The following CMTM8 variants were observed in gnomAD, a reference collection of about 807,000 sequenced individuals.
CMTM8 encodes the protein CKLF like MARVEL transmembrane domain containing 8, also known as CKLF-like MARVEL transmembrane domain-containing protein 8.
CMTM8 carries 12 observed loss-of-function variants against 18.6 expected under a neutral mutation model. The ratio of observed to expected loss-of-function variants is 0.65; its 90% CI spans 0.41 to 1.05. The LOEUF (loss-of-function observed/expected upper bound fraction) is 1.05. Ranked by LOEUF, CMTM8 falls within the 50% of genes least tolerant of loss-of-function variation. The pLI is 0.00. For synonymous variants in CMTM8, 87 were observed against 90.6 expected, an observed-to-expected ratio of 0.96 and a Z score of 0.23; for missense variants, 217 against 227.2, an observed-to-expected ratio of 0.95 and a Z score of 0.29.
At chr3:32,367,150 C>T (rs185063400) in intron 2 of CMTM8, among the ~76,000 whole-genome samples, 136 of 152,316 alleles carry the variant, frequency 8.9e-4, no homozygotes, top group African/African-American at 3.2e-3. Flanking sequence ...TCTGGTTTCA[C>T]CTCACCCCTG....
chr3:32,276,296 C>CTGG (rs1679369671), intron 1 of CMTM8, among the ~76,000 whole-genome samples: 1 of 152,188 alleles, frequency 6.6e-6, no homozygotes, highest in Non-Finnish European at 1.5e-5. Context: ...AGAGAAAAGA[C>CTGG]TTCTCACCAA....
At chr3:32,331,357 C>G (rs1696270014) in intron 1 of CMTM8, among the ~76,000 whole-genome samples, 2 of 152,050 alleles carry the variant, frequency 1.3e-5, no homozygotes, top group Admixed American at 1.3e-4. Flanking sequence ...ACCTTTGTGC[C>G]TTGCACATGG....
intron 1 of CMTM8, among the ~76,000 whole-genome samples, chr3:32,340,348 G>A (rs1012586757): frequency 2.0e-5 from 3 of 152,226 alleles, no homozygotes; most frequent in African/African-American, 4.8e-5. Flanking sequence ...CCTGGGATGA[G>A]AGTGGAGGTG....
chr3:32,330,707 A>G (rs1696259344), intron 1 of CMTM8, among the ~76,000 whole-genome samples: 1 of 152,308 alleles, frequency 6.6e-6, no homozygotes, highest in African/African-American at 2.4e-5. Flanking sequence ...CTATGGAAAA[A>G]TGGACAAACA....
intron 2 of CMTM8, among the ~76,000 whole-genome samples, chr3:32,362,544 G>A (rs1212163699): frequency 2.6e-5 from 4 of 152,188 alleles, no homozygotes; most frequent in East Asian, 1.9e-4. Context: ...ACCAACCACA[G>A]TTGTGAACCT....
At chr3:32,243,985 G>T in intron 1 of CMTM8, 1 of 160,100 alleles carries the variant, frequency 6.2e-6, no homozygotes, top group East Asian at 1.8e-4. Context: ...TATTATAGCA[G>T]CAGGGATGAG....
chr3:32,333,550 C>A (rs1696321910), intron 1 of CMTM8, among the ~76,000 whole-genome samples: 1 of 150,148 alleles, frequency 6.7e-6, no homozygotes, highest in Non-Finnish European at 1.5e-5. Context: ...ATTTAGCACT[C>A]TTCTAAAGAC....
Position 32,238,839 on chromosome 3 carries a change from C to A in CMTM8, c.-134C>A. The stretch of plus-strand genomic sequence containing the variant: ...GCCTGGACAGCCCCCGGCGGGCGCC[C>A]CCCTCGCACCTCCTGCCCCGCGCGG... On this transcript the variant is annotated 5_prime_UTR_variant, in exon 1 of 4. Coordinates refer to ENST00000307526, the MANE Select transcript of CMTM8 (RefSeq NM_178868.5). 1 of 687,584 alleles carries A rather than the reference C, an allele frequency of 1.5e-6. No individual in the cohort carries two copies. Among genetic ancestry groups the A allele is most frequent in the Non-Finnish European group, 2.0e-6 (1 of 494,378 alleles). 42.6% of individuals were successfully genotyped at this position (687,584 alleles called of 1,614,324 possible).
chr3:32,238,921 C>T lies in CMTM8; in HGVS notation c.-52C>T. 1 of 1,521,414 alleles carries T rather than the reference C, an allele frequency of 6.6e-7. No homozygotes were observed. The highest frequency in any genetic ancestry group is 8.8e-7 in the Non-Finnish European group (1 of 1,132,614). The allele number at this position is 1,521,414 out of a possible 1,614,324, so 94.2% of individuals were successfully genotyped here. A position where few individuals can be genotyped will look rare whatever the true frequency, so the allele number is the denominator to read the frequency against. ...CAGGGCGCAGGGCCGCGCGTCCAGC[C>T]CCAGACCCGCCGGGGTCCCTGGGGA... On this transcript the variant is annotated 5_prime_UTR_variant, in exon 1 of 4. Coordinates refer to ENST00000307526, the MANE Select transcript of CMTM8 (RefSeq NM_178868.5).
chr3:32,246,278 A>G (rs550510981), intron 1 of CMTM8, among the ~76,000 whole-genome samples: 3 of 152,110 alleles, frequency 2.0e-5, no homozygotes, highest in South Asian at 2.1e-4. Flanking sequence ...GGCCGCATCT[A>G]CTGGTGTCAT....
intron 1 of CMTM8, among the ~76,000 whole-genome samples, chr3:32,262,808 C>T (rs1465183741): frequency 6.6e-6 from 1 of 152,160 alleles, no homozygotes; most frequent in African/African-American, 2.4e-5. Context: ...AAATATTGTA[C>T]ATTAATTCCC....
Position 32,238,971 on chromosome 3 carries a change from C to T in CMTM8, c.-2C>T. 6.5e-7 allele frequency: 1 copy of T among 1,547,592 alleles called. No individual in the cohort carries two copies. ...ACGCGCCAGCCCGGCAGTGGCTCGA[C>T]GATGGAGGAGCCGCAGCGCGCCCGC... On this transcript the variant is annotated 5_prime_UTR_variant, in exon 1 of 4. In the 5' UTR this introduces an upstream ATG that the reference lacks. Transcript: ENST00000307526.
chr3:32,306,793 T>C (rs1695724496), intron 1 of CMTM8, among the ~76,000 whole-genome samples: 1 of 152,156 alleles, frequency 6.6e-6, no homozygotes, highest in African/African-American at 2.4e-5. Flanking sequence ...AGACTCATGT[T>C]TTAGAGGGAT....
At chr3:32,301,382 A>ATG (rs1695615693) in intron 1 of CMTM8, among the ~76,000 whole-genome samples, 2 of 152,186 alleles carry the variant, frequency 1.3e-5, no homozygotes, top group Admixed American at 1.3e-4. Flanking sequence ...ATATATATAT[A>ATG]TAAAGCAACA....
intron 2 of CMTM8, 107 bp downstream of exon 2, chr3:32,357,653 C>A (rs1483026666): frequency 1.7e-5 from 20 of 1,152,502 alleles, no homozygotes; most frequent in Non-Finnish European, 2.1e-5. Flanking sequence ...AAGGTGGGGC[C>A]ATACCATGGA....
At chr3:32,244,100 G>A (rs1255596853) in intron 1 of CMTM8, 2 of 155,110 alleles carry the variant, frequency 1.3e-5, no homozygotes, top group Admixed American at 1.3e-4. Context: ...AGAGGGAGCT[G>A]TGGAAGGTCA....
At chr3:32,328,404 G>A (rs1341631516) in intron 1 of CMTM8, among the ~76,000 whole-genome samples, 1 of 133,450 alleles carries the variant, frequency 7.5e-6, no homozygotes, top group African/African-American at 2.8e-5. Flanking sequence ...AAGTAATCCC[G>A]GCTACTTGGG....
At chr3:32,360,415 A>G (rs1419563470) in intron 2 of CMTM8, among the ~76,000 whole-genome samples, 2 of 152,228 alleles carry the variant, frequency 1.3e-5, no homozygotes, top group East Asian at 1.9e-4. Flanking sequence ...GTTGGGGTTT[A>G]TGTTTACTGT....
At chr3:32,331,319 G>A (rs1696269350) in intron 1 of CMTM8, among the ~76,000 whole-genome samples, 2 of 152,092 alleles carry the variant, frequency 1.3e-5, no homozygotes, top group Non-Finnish European at 2.9e-5. Flanking sequence ...AAAATAACAA[G>A]TATTGACAAG....
Sources: gnomAD v4.1 joint callset for allele counts (sites outside exome capture counted in the v4.1 genomes callset) on GRCh38, gnomAD v4.1.1 for gene constraint, MANE v1.5 for transcripts, NCBI Gene and HGNC (gene_info 2026-07-23, HGNC 2026-07-21) for gene names.